Variants in CCDC38 observed in about 807,000 individuals in gnomAD.
CCDC38 encodes the protein coiled-coil domain-containing protein 38.
Under a neutral mutation model 72.8 loss-of-function variants are expected in CCDC38, and 69 were observed. The ratio of observed to expected loss-of-function variants is 0.95; its 90% CI spans 0.78 to 1.16. The LOEUF (loss-of-function observed/expected upper bound fraction) is 1.16, where lower values mean the gene tolerates loss of function less well. CCDC38 is among the 50% of genes most tolerant of loss of function. The pLI is 0.00. For synonymous variants in CCDC38, 201 were observed against 213.2 expected (o/e 0.94, Z 0.50); for missense variants, 626 against 638.9 (o/e 0.98, Z 0.22).
chr12:95,879,655 T>TATA lies in CCDC38; in HGVS notation c.1128_1130dup (p.Ile377dup), dbSNP rs2079676311. ...TTATAATGACTTACGTTTTATCCTGTATAACTTTTTCTCTTTTGTTTACCT... is the reference window on the plus strand; with the variant it reads ...TTATAATGACTTACGTTTTATCCTGTATAATAACTTTTTCTCTTTTGTTTACCT... On this transcript the variant is annotated inframe_insertion, in exon 12 of 16. Coordinates refer to ENST00000344280, the MANE Select transcript of CCDC38 (RefSeq NM_182496.3). The surrounding 1 kb of genome is among the most constrained non-coding windows in gnomAD (Gnocchi z 5.5). The TATA allele has an allele frequency of 6.3e-7, 1 of 1,589,646 alleles. No individual in the cohort carries two copies. Among genetic ancestry groups the TATA allele is most frequent in the Non-Finnish European group, 8.6e-7 (1 of 1,160,968 alleles).
chr12:95,892,081 C>CTTTTTTTTT (rs67478657), intron 8 of CCDC38, among the ~76,000 whole-genome samples: 1 of 97,996 alleles, frequency 1.0e-5, no homozygotes, highest in Non-Finnish European at 1.9e-5. Context: ...GATCACTCTG[C>CTTTTTTTTT]TTTTTTTTTT....
chr12:95,930,263 A>T (rs77903558), intron 2 of CCDC38, among the ~76,000 whole-genome samples: 1 of 152,178 alleles, frequency 6.6e-6, no homozygotes. Flanking sequence ...CTGCTGTAGC[A>T]GATTACCACA....
intron 2 of CCDC38, chr12:95,934,044 A>G (rs1284436669): frequency 6.6e-6 from 1 of 152,096 alleles, no homozygotes; most frequent in Non-Finnish European, 1.5e-5. Flanking sequence ...AAATAAATAT[A>G]TATGTATGTA....
At chr12:95,873,691 G>A (rs2079606174) in intron 13 of CCDC38, among the ~76,000 whole-genome samples, 1 of 152,162 alleles carries the variant, frequency 6.6e-6, no homozygotes, top group Non-Finnish European at 1.5e-5. Context: ...TTCCACTCAA[G>A]AAGATGAGAA....
At chr12:95,881,036 T>C (rs925823955) in intron 11 of CCDC38, among the ~76,000 whole-genome samples, 2 of 152,126 alleles carry the variant, frequency 1.3e-5, no homozygotes, top group Non-Finnish European at 2.9e-5. Context: ...TATACAACAA[T>C]GAATGGTATT....
At chr12:95,875,064 G>C (rs1439261814) in intron 13 of CCDC38, among the ~76,000 whole-genome samples, 1 of 152,184 alleles carries the variant, frequency 6.6e-6, no homozygotes, top group Non-Finnish European at 1.5e-5. Context: ...AGTAACAACT[G>C]CTACACTAAA....
chr12:95,935,682 A>C (rs768623707), intron 2 of CCDC38, among the ~76,000 whole-genome samples: 3 of 152,226 alleles, frequency 2.0e-5, no homozygotes, highest in African/African-American at 2.4e-5. Context: ...TACCTATTAC[A>C]AACTCTTAGT....
At chr12:95,917,374 T>TA in intron 3 of CCDC38, 80 bp from the exon 4 acceptor site, 1 of 1,177,554 alleles carries the variant, frequency 8.5e-7, no homozygotes, top group Non-Finnish European at 1.2e-6. Context: ...TATATAAAAA[T>TA]AACATTTGCA....
chr12:95,914,851 T>C (rs183634512), intron 4 of CCDC38, among the ~76,000 whole-genome samples: 1 of 152,304 alleles, frequency 6.6e-6, no homozygotes, highest in African/African-American at 2.4e-5. Flanking sequence ...AATTTCTCTG[T>C]AGAATTTCCC....
chr12:95,913,504 C>A (rs926127814), intron 4 of CCDC38, among the ~76,000 whole-genome samples: 3 of 152,128 alleles, frequency 2.0e-5, no homozygotes, highest in African/African-American at 7.2e-5. Context: ...AGGAAATATT[C>A]TTTCAGCAGA....
chr12:95,869,476 A>G lies in CCDC38; in HGVS notation c.1578+4T>C, dbSNP rs2079557184. The G allele has an allele frequency of 6.2e-7, 1 of 1,610,832 alleles. No individual in the cohort carries two copies. Among genetic ancestry groups the G allele is most frequent in the East Asian group, 2.2e-5 (1 of 44,768 alleles). ...TGGCTGGATCTATTAATAGCAAAACAAACCTTTTTCTTTGGTTGTGCTACT... is the reference window on the plus strand; with the variant it reads ...TGGCTGGATCTATTAATAGCAAAACGAACCTTTTTCTTTGGTTGTGCTACT... On this transcript the variant is annotated splice_donor_region_variant and intron_variant, in intron 15 of 15. Transcript: ENST00000344280.
chr12:95,891,361 T>G (rs542648558), intron 8 of CCDC38, among the ~76,000 whole-genome samples: 1 of 152,172 alleles, frequency 6.6e-6, no homozygotes, highest in Non-Finnish European at 1.5e-5. Flanking sequence ...TTTTATTTTT[T>G]TGGGGACAGG....
chr12:95,906,584 A>C (rs1592782100), intron 4 of CCDC38, 133 bp from the exon 5 acceptor site: 5 of 604,964 alleles, frequency 8.3e-6, no homozygotes, highest in Non-Finnish European at 2.8e-6. Flanking sequence ...CTTGAAATAA[A>C]CCTTTTCCTA....
At position 95,872,347 on chromosome 12, in the gene CCDC38, A is replaced by G. The variant is rs1258082388; in HGVS notation, c.1392T>C (p.Ser464=). The G allele has an allele frequency of 1.2e-6, 2 of 1,614,058 alleles. No homozygotes were observed. The highest frequency in any genetic ancestry group is 3.3e-5 in the Admixed American group (2 of 60,000). ...TGAGGTCACACAGTTCTACCAGGCG[A>G]GATTCTACTTTTACCAGCTTTTGAA... The part of the protein sequence containing the change: ...NPIQKLVKVE[S]RLVELCDLIE... Residue 464 remains serine (S), a synonymous_variant, in exon 14 of 16, where the codon TCT becomes TCC. Transcript: ENST00000344280.
At chr12:95,867,582 G>T (rs10777745) in intron 15 of CCDC38, among the ~76,000 whole-genome samples, 1 of 151,930 alleles carries the variant, frequency 6.6e-6, no homozygotes, top group Non-Finnish European at 1.5e-5. Context: ...TTCTCCTGTT[G>T]AGCACCTGAC....
chr12:95,885,948 A>G (rs900029010), intron 10 of CCDC38, among the ~76,000 whole-genome samples: 1 of 152,224 alleles, frequency 6.6e-6, no homozygotes, highest in African/African-American at 2.4e-5. Flanking sequence ...AGTTTTGGAT[A>G]ACATATCTAT....
intron 14 of CCDC38, among the ~76,000 whole-genome samples, chr12:95,871,879 C>T (rs1170154894): frequency 6.6e-6 from 1 of 152,150 alleles, no homozygotes; most frequent in Non-Finnish European, 1.5e-5. Context: ...GTGCAATTCT[C>T]CTTCCCCATG....
intron 15 of CCDC38, 44 bp downstream of exon 15, chr12:95,869,436 T>C: frequency 7.2e-7 from 1 of 1,386,690 alleles, no homozygotes; most frequent in Non-Finnish European, 1.0e-6. Context: ...TTGTATTTTG[T>C]ATCACATATT....
At chr12:95,929,120 G>A (rs545336400) in intron 2 of CCDC38, among the ~76,000 whole-genome samples, 58 of 152,328 alleles carry the variant, frequency 3.8e-4, no homozygotes, top group African/African-American at 8.7e-4. Flanking sequence ...GGGCAATGGC[G>A]GGCACCCCTA....
Sources: gnomAD v4.1 joint callset for allele counts (sites outside exome capture counted in the v4.1 genomes callset) on GRCh38, gnomAD v4.1.1 for gene constraint, Gnocchi (gnomAD v3.1) non-coding constraint, MANE v1.5 for transcripts, NCBI Gene and HGNC (gene_info 2026-07-23, HGNC 2026-07-21) for gene names.